The following ENGASE variants were observed in gnomAD, a reference collection of about 807,000 sequenced individuals.
ENGASE encodes cytosolic endo-beta-N-acetylglucosaminidase.
In ENGASE, 69 loss-of-function variants were observed where a neutral mutation model predicts 78.5. The observed-to-expected ratio is 0.88, with a 90% CI of 0.72 to 1.07. The LOEUF is 1.07. Among genes scored for constraint, ENGASE ranks in the 50% least tolerant of loss-of-function variants. The probability of loss-of-function intolerance (pLI) is 0.00; values close to 1 mark genes in which losing one functional copy is unlikely to be tolerated. For missense variants in ENGASE, 943 were observed against 988.4 expected (o/e 0.95, Z 0.62); for synonymous variants, 408 against 408.9 (o/e 1.00, Z 0.03).
At position 79,082,144 on chromosome 17, in the gene ENGASE, G is replaced by A. The variant is rs74838690; in HGVS notation, c.1038+81G>A. ...ATTTCCTCATGGACCTTCCATTCCC[G>A]TCTGCACCTCAAAGGAATGACAGCA... is the stretch of plus-strand genomic sequence containing the variant. On this transcript the variant is annotated intron_variant, in intron 7 of 13. Transcript: ENST00000579016. The A allele has an allele frequency of 9.5e-3, 15,355 of 1,611,110 alleles. 1,007 individuals carry two copies. In the African/African-American group the frequency reaches 0.16, roughly 17 times the overall value.
intron 4 of ENGASE, 37 bp from the exon 5 acceptor site, chr17:79,080,170 T>C: frequency 6.4e-7 from 1 of 1,556,676 alleles, no homozygotes; most frequent in East Asian, 2.3e-5. Flanking sequence ...GGAAAGTGAT[T>C]CCCGTGGCTG....
At position 79,086,409 on chromosome 17, in the gene ENGASE, GC is replaced by G; in HGVS notation, c.*64del. Reference sequence around the variant, plus strand: ...GGCTGAGGCCTCTTCCCGGCTGTCTGCCCCTGGCCTGCGCTGGACCTGCTAA... The same window carrying G: ...GGCTGAGGCCTCTTCCCGGCTGTCTGCCCTGGCCTGCGCTGGACCTGCTAA... On this transcript the variant is annotated 3_prime_UTR_variant, in exon 14 of 14. Coordinates refer to ENST00000579016, the MANE Select transcript of ENGASE (RefSeq NM_001042573.3). 1 of 1,549,126 alleles carries G rather than the reference GC, an allele frequency of 6.5e-7. No homozygotes were observed. The highest frequency in any genetic ancestry group is 8.7e-7 in the Non-Finnish European group (1 of 1,149,604).
rs774123562 is a variant in ENGASE, at chr17:79,085,389, T to C, written c.1700+47T>C. On this transcript the variant is annotated intron_variant, in intron 12 of 13. Transcript: ENST00000579016. ...CGTCCTTCTCCCTCACTCAAGTCTC[T>C]GTTGGGAAACCCCAGAGCTGGAGGG... The C allele has an allele frequency of 2.2e-5, 33 of 1,499,076 alleles. No homozygotes were observed. In the South Asian group the frequency reaches 3.5e-4, roughly 16 times the overall value. 92.9% of individuals were successfully genotyped at this position (1,499,076 alleles called of 1,614,324 possible).
At chr17:79,085,167 G>A (rs2073257574) in intron 11 of ENGASE, 67 bp from the exon 12 acceptor site, 1 of 1,305,656 alleles carries the variant, frequency 7.7e-7, no homozygotes, top group South Asian at 1.2e-5. Flanking sequence ...GGGCGCCCTT[G>A]GTGGTCCTTC....
intron 12 of ENGASE, 52 bp from the exon 13 acceptor site, chr17:79,085,568 C>G (rs2073271870): frequency 8.1e-6 from 13 of 1,603,800 alleles, no homozygotes; most frequent in Non-Finnish European, 1.0e-5. Flanking sequence ...GACGGCTCAC[C>G]CTGGAGCCTC....
chr17:79,084,006 G>GGGA, intron 10 of ENGASE, 55 bp downstream of exon 10: 2 of 1,522,834 alleles, frequency 1.3e-6, no homozygotes, highest in Non-Finnish European at 1.8e-6. Flanking sequence ...CACACGTGGT[G>GGGA]GCCATGGAAC....
rs1279644732 is a variant in ENGASE at position 79,081,884 on chromosome 17, T to C, written c.873-14T>C. 6.2e-7 allele frequency: 1 copy of C among 1,604,076 alleles called. No individual in the cohort carries two copies. The highest frequency in any genetic ancestry group is 8.5e-7 in the Non-Finnish European group (1 of 1,174,268). Reference sequence around the variant, plus strand: ...TGGGCCTGGGCCTCACAGCAGGTCCTTGTTGCTTCTCAGGGTCTTCTTTGA... The same window carrying C: ...TGGGCCTGGGCCTCACAGCAGGTCCCTGTTGCTTCTCAGGGTCTTCTTTGA... On this transcript the variant is annotated splice_polypyrimidine_tract_variant and intron_variant, in intron 6 of 13. Coordinates refer to ENST00000579016, the MANE Select transcript of ENGASE (RefSeq NM_001042573.3).
At position 79,085,610 on chromosome 17, in the gene ENGASE, C is replaced by T. The variant is rs368248180; in HGVS notation, c.1701-10C>T. 969 of 1,613,168 alleles carry T rather than the reference C, an allele frequency of 6.0e-4. 10 individuals are homozygous for T. The South Asian group carries it at 8.1e-3, about 14-fold the overall frequency. On this transcript the variant is annotated splice_polypyrimidine_tract_variant and intron_variant, in intron 12 of 13. Transcript: ENST00000579016. ...GAGCCCGGCCAGTGATCAGCCCTTT[C>T]GCCCCGTAGCTGCTACGAGGTGAGC...
At chr17:79,075,426 T>C (rs1298881500) in intron 1 of ENGASE, among the ~76,000 whole-genome samples, 3 of 152,054 alleles carry the variant, frequency 2.0e-5, no homozygotes, top group East Asian at 3.9e-4. Flanking sequence ...ATGCGGAAGA[T>C]CCCGGCGGCG....
Position 79,083,829 on chromosome 17 carries a change from G to T in ENGASE, c.1320G>T (p.Arg440Ser). 2.5e-6 allele frequency: 4 copies of T among 1,613,042 alleles called. No homozygotes were observed. In the South Asian group the frequency reaches 3.3e-5, roughly 13 times the overall value. The change falls in exon 10 of 14, where the codon AGG becomes AGT. Residue 440 changes from arginine (R) to serine (S), a missense_variant. Coordinates refer to ENST00000579016, the MANE Select transcript of ENGASE (RefSeq NM_001042573.3). This position sits in a 1 kb window ranked among gnomAD's most constrained non-coding sequence, Gnocchi z 4.9. The stretch of plus-strand genomic sequence containing the variant: ...TCCAGCCCTTGTTTGGAGAACACAG[G>T]CTGGGAGGGGATGGCCGGGGCTGGG... ...QEIQPLFGEHRLGGDGRGWVR... is the reference protein window; with the variant it reads ...QEIQPLFGEHSLGGDGRGWVR...
chr17:79,074,920 C>A lies in ENGASE; in HGVS notation c.-25C>A. The A allele has an allele frequency of 8.0e-7, 1 of 1,257,514 alleles. No individual in the cohort carries two copies. The allele number at this position is 1,257,514 out of a possible 1,614,324, so 77.9% of individuals were successfully genotyped here. On this transcript the variant is annotated 5_prime_UTR_variant, in exon 1 of 14. Coordinates refer to ENST00000579016, the MANE Select transcript of ENGASE (RefSeq NM_001042573.3). ...GGGGGCGGGCCCGGGCCTGCGATTGCCTCTCGGCGTGCGCGGACAGTGTCA... is the reference window on the plus strand; with the variant it reads ...GGGGGCGGGCCCGGGCCTGCGATTGACTCTCGGCGTGCGCGGACAGTGTCA...
In ENGASE at chr17:79,079,631, G is replaced by T. The variant is rs375383634; in HGVS notation, c.559G>T (p.Val187Leu). ...CACTGCCCACAGGCATGGGGTCTGC[G>T]TGCTGGGTAAGAGCCAAGGACTCAC... ...TNTAHRHGVCVLGTFITEWNE... is the reference protein window; with the variant it reads ...TNTAHRHGVCLLGTFITEWNE... The change falls in exon 4 of 14, where the codon GTG becomes TTG. Residue 187 changes from valine (V) to leucine (L), a missense_variant. Transcript: ENST00000579016. 3 of 1,612,862 alleles carry T rather than the reference G, an allele frequency of 1.9e-6. No homozygotes were observed. The highest frequency in any genetic ancestry group is 2.7e-5 in the African/African-American group (2 of 74,762).
chr17:79,083,778 C>T lies in ENGASE; in HGVS notation c.1269C>T (p.Pro423=). The change falls in exon 10 of 14, where the codon CCC becomes CCT. Residue 423 remains proline, a synonymous_variant. Coordinates refer to ENST00000579016, the MANE Select transcript of ENGASE (RefSeq NM_001042573.3). This position sits in a 1 kb window ranked among gnomAD's most constrained non-coding sequence, Gnocchi z 4.9. ...VCYGQEEAVG[P]WYHLSAQEIQ... ...TTCTTCAGGAAGAGGCGGTAGGGCC[C>T]TGGTACCACCTGAGCGCCCAGGAGA... is the stretch of plus-strand genomic sequence containing the variant. 6.2e-7 allele frequency: 1 copy of T among 1,610,710 alleles called. No homozygotes were observed. The highest frequency in any genetic ancestry group is 8.5e-7 in the Non-Finnish European group (1 of 1,178,538).
chr17:79,086,143 A>G lies in ENGASE; in HGVS notation c.2026A>G (p.Arg676Gly), dbSNP rs749318452. ...AGGGATGAGTGATGACTCTCCGGGCAGGGAGCTGCCGAGGCCAGAGATGCC... is the reference window on the plus strand; with the variant it reads ...AGGGATGAGTGATGACTCTCCGGGCGGGGAGCTGCCGAGGCCAGAGATGCC... Reference protein sequence around the residue: ...WGGMSDDSPGRELPRPEMPMF... With the variant: ...WGGMSDDSPGGELPRPEMPMF... The change falls in exon 14 of 14, where the codon AGG (arginine) becomes GGG (glycine). Residue 676 changes from arginine (R) to glycine (G), a missense_variant. Transcript: ENST00000579016. 3.7e-6 allele frequency: 6 copies of G among 1,613,628 alleles called. No homozygotes were observed. The East Asian group carries it at 1.1e-4, about 30-fold the overall frequency.
In ENGASE at chr17:79,083,070, C is replaced by T. The variant is rs745965568; in HGVS notation, c.1089C>T (p.Pro363=). 2.5e-5 allele frequency: 41 copies of T among 1,613,910 alleles called. No homozygotes were observed. The highest frequency in any genetic ancestry group is 8.9e-5 in the East Asian group (4 of 44,896). The part of the protein sequence containing the change: ...KHGFSVALFA[P]GWVYECLEKK... ...GCTTCTCCGTGGCTTTGTTTGCCCC[C>T]GGCTGGGTGTATGAGTGTCTGGAGA... The change falls in exon 8 of 14, where the codon CCC becomes CCT. Residue 363 remains proline, a synonymous_variant. Transcript: ENST00000579016. This position sits in a 1 kb window ranked among gnomAD's most constrained non-coding sequence, Gnocchi z 4.9.
chr17:79,074,913 G>A lies in ENGASE; in HGVS notation c.-32G>A. 2 of 1,256,756 alleles carry A rather than the reference G, an allele frequency of 1.6e-6. No individual in the cohort carries two copies. The highest frequency in any genetic ancestry group is 2.0e-6 in the Non-Finnish European group (2 of 1,000,154). 77.9% of individuals were successfully genotyped at this position (1,256,756 alleles called of 1,614,324 possible). On this transcript the variant is annotated 5_prime_UTR_variant, in exon 1 of 14. Coordinates refer to ENST00000579016, the MANE Select transcript of ENGASE (RefSeq NM_001042573.3). ...GCGGCGCGGGGGCGGGCCCGGGCCT[G>A]CGATTGCCTCTCGGCGTGCGCGGAC...
chr17:79,081,994 T>C lies in ENGASE; in HGVS notation c.969T>C (p.Ala323=). 3.7e-6 allele frequency: 6 copies of C among 1,614,230 alleles called. No homozygotes were observed. The highest frequency in any genetic ancestry group is 5.1e-6 in the Non-Finnish European group (6 of 1,180,034). The change falls in exon 7 of 14, where the codon GCT becomes GCC. Residue 323 remains alanine (A), a synonymous_variant. Transcript: ENST00000579016. ...TGGGGCAGGCTGGGGAGCGCCGGGC[T>C]GATGTGTACGTGGGCGTGGATGTGT... ...RMLGQAGERR[A]DVYVGVDVFA...
intron 13 of ENGASE, 95 bp downstream of exon 13, chr17:79,085,829 G>A: frequency 6.3e-7 from 1 of 1,596,340 alleles, no homozygotes; most frequent in East Asian, 2.2e-5. Flanking sequence ...CTTGGGTTCA[G>A]CGGGGAACTG....
At position 79,083,116 on chromosome 17, in the gene ENGASE, C is replaced by A; in HGVS notation, c.1135C>A (p.Gln379Lys). The part of the protein sequence containing the change: ...CLEKKDFFQN[Q>K]DKFWGRLERY... Reference sequence around the variant, plus strand: ...GGAGAAGAAGGATTTCTTCCAGAACCAGGACAAGTGAGTCCTGCTGTCCTG... The same window carrying A: ...GGAGAAGAAGGATTTCTTCCAGAACAAGGACAAGTGAGTCCTGCTGTCCTG... Residue 379 changes from glutamine (Q) to lysine (K), a missense_variant, in exon 8 of 14, where the codon CAG becomes AAG. Coordinates refer to ENST00000579016, the MANE Select transcript of ENGASE (RefSeq NM_001042573.3). The surrounding 1 kb of genome is among the most constrained non-coding windows in gnomAD (Gnocchi z 4.9). 1.2e-6 allele frequency: 2 copies of A among 1,612,600 alleles called. No individual in the cohort carries two copies. Among genetic ancestry groups the A allele is most frequent in the South Asian group, 1.1e-5 (1 of 90,972 alleles).
Sources: gnomAD v4.1 joint callset for allele counts (sites outside exome capture counted in the v4.1 genomes callset) on GRCh38, gnomAD v4.1.1 for gene constraint, Gnocchi (gnomAD v3.1) non-coding constraint, MANE v1.5 for transcripts, NCBI Gene and HGNC (gene_info 2026-07-23, HGNC 2026-07-21) for gene names.